The following RAP1GDS1 variants were observed in gnomAD, a reference collection of about 807,000 sequenced individuals.
RAP1GDS1 encodes the protein Rap1 GTPase-GDP dissociation stimulator 1.
A neutral mutation model predicts 71.1 loss-of-function variants in RAP1GDS1; 35 were observed. That is an observed-to-expected ratio of 0.49 (90% confidence interval 0.38 to 0.65). The LOEUF is 0.65. Ranked by LOEUF, RAP1GDS1 falls within the 30% of genes least tolerant of loss-of-function variation. RAP1GDS1 has a pLI of 0.00. For missense variants in RAP1GDS1, 663 were observed against 706.1 expected, an observed-to-expected ratio of 0.94 and a Z score of 0.69; for synonymous variants, 229 against 243.1, an observed-to-expected ratio of 0.94 and a Z score of 0.54.
At chr4:98,266,766 A>G (rs747414519) in intron 1 of RAP1GDS1, among the ~76,000 whole-genome samples, 1 of 152,164 alleles carries the variant, frequency 6.6e-6, no homozygotes, top group East Asian at 1.9e-4. Context: ...TGAAGTCTGT[A>G]CTACTACTAT....
chr4:98,401,210 C>A (rs1162273876), intron 6 of RAP1GDS1, among the ~76,000 whole-genome samples: 2 of 152,152 alleles, frequency 1.3e-5, no homozygotes, highest in South Asian at 4.1e-4. Context: ...TGATTAATAT[C>A]TAAAGTGAAT....
At chr4:98,323,842 A>C (rs1230399494) in intron 2 of RAP1GDS1, among the ~76,000 whole-genome samples, 107 of 149,288 alleles carry the variant, frequency 7.2e-4, no homozygotes, top group Non-Finnish European at 1.2e-3. Context: ...AACTGGAAGC[A>C]TTCCCTTTGA....
At chr4:98,400,168 AAAC>A (rs1024477100) in intron 6 of RAP1GDS1, among the ~76,000 whole-genome samples, 3 of 151,994 alleles carry the variant, frequency 2.0e-5, no homozygotes, top group Non-Finnish European at 4.4e-5. Flanking sequence ...GTTTAAAAAA[AAAC>A]ACAAATAGAA....
chr4:98,265,476 A>G (rs1256960345), intron 1 of RAP1GDS1, among the ~76,000 whole-genome samples: 1 of 152,186 alleles, frequency 6.6e-6, no homozygotes, highest in Non-Finnish European at 1.5e-5. Flanking sequence ...GTAGCTACAT[A>G]GAAAAATTGT....
chr4:98,355,112 T>TGTGATG, intron 4 of RAP1GDS1, among the ~76,000 whole-genome samples: 1 of 152,320 alleles, frequency 6.6e-6, no homozygotes, highest in East Asian at 1.9e-4. Flanking sequence ...GTGTGGTTGA[T>TGTGATG]TTGGGAATTT....
At chr4:98,387,304 G>T (rs1742916805) in intron 5 of RAP1GDS1, 1 of 361,818 alleles carries the variant, frequency 2.8e-6, no homozygotes, top group Non-Finnish European at 5.7e-6. Flanking sequence ...CTTATTTTTA[G>T]TAACTTCAGT....
chr4:98,341,846 A>T (rs1735551295), intron 2 of RAP1GDS1, among the ~76,000 whole-genome samples: 1 of 152,226 alleles, frequency 6.6e-6, no homozygotes, highest in Non-Finnish European at 1.5e-5. Flanking sequence ...TACAAGGAGC[A>T]GTGGTTTTTC....
chr4:98,293,024 A>ATAACATAACTTC, intron 1 of RAP1GDS1, among the ~76,000 whole-genome samples: 1 of 152,150 alleles, frequency 6.6e-6, no homozygotes, highest in Admixed American at 6.6e-5. Context: ...TTTAATGTAC[A>ATAACATAACTTC]ACAGAGGAAG....
At position 98,297,843 on chromosome 4, in the gene RAP1GDS1, A is replaced by G. The variant is rs566476344; in HGVS notation, c.112+4328A>G. 7.2e-5 allele frequency among the ~76,000 whole-genome samples: 11 copies of G among 152,344 alleles called. No homozygotes were observed. The South Asian group carries it at 2.3e-3, about 32-fold the overall frequency. On this transcript the variant is annotated intron_variant, in intron 2 of 14. Transcript: ENST00000408927. The stretch of plus-strand genomic sequence containing the variant: ...AGAAATGATTAAGCTTATTGAGGAA[A>G]GCATGTCGAAAGCGGAGGCAGGTTG...
At chr4:98,385,789 C>T (rs567151521) in intron 5 of RAP1GDS1, among the ~76,000 whole-genome samples, 5 of 151,834 alleles carry the variant, frequency 3.3e-5, no homozygotes, top group African/African-American at 9.6e-5. Flanking sequence ...CAATAATGCC[C>T]CATGGTAACT....
At chr4:98,429,321 A>G (rs1475380104) in intron 12 of RAP1GDS1, among the ~76,000 whole-genome samples, 1 of 152,012 alleles carries the variant, frequency 6.6e-6, no homozygotes, top group African/African-American at 2.4e-5. Context: ...AATGCTACTC[A>G]GCCATAAAAA....
intron 5 of RAP1GDS1, among the ~76,000 whole-genome samples, chr4:98,380,175 T>C (rs1578659869): frequency 1.3e-5 from 2 of 151,528 alleles, no homozygotes; most frequent in South Asian, 4.2e-4. Context: ...GGGACTGTGG[T>C]AAGTTGAAGA....
Position 98,417,470 on chromosome 4 carries a change from A to T in RAP1GDS1, c.1011A>T (p.Ala337=). 6.2e-7 allele frequency: 1 copy of T among 1,613,952 alleles called. No homozygotes were observed. Among genetic ancestry groups the T allele is most frequent in the Non-Finnish European group, 8.5e-7 (1 of 1,179,878 alleles). ...SNNHQLQLAG[A]LAIANFARND... is the part of the protein sequence containing the mutation. ...ACCACCAGCTACAGCTTGCTGGAGC[A>T]TTGGCAATTGCAAATTTTGCCAGAA... The change falls in exon 9 of 15, where the codon GCA becomes GCT. Residue 337 remains alanine (A), a synonymous_variant. Transcript: ENST00000408927.
chr4:98,361,161 C>A (rs1209768350), intron 4 of RAP1GDS1, among the ~76,000 whole-genome samples: 1 of 151,388 alleles, frequency 6.6e-6, no homozygotes, highest in African/African-American at 2.4e-5. Flanking sequence ...ATGCTGTCAT[C>A]AGTTCAGATT....
intron 4 of RAP1GDS1, among the ~76,000 whole-genome samples, chr4:98,365,350 C>A (rs1739323676): frequency 6.6e-6 from 1 of 152,116 alleles, no homozygotes; most frequent in Non-Finnish European, 1.5e-5. Flanking sequence ...CATCATGGCT[C>A]ACACCTGTAA....
intron 1 of RAP1GDS1, among the ~76,000 whole-genome samples, chr4:98,283,276 C>A (rs1209675034): frequency 6.6e-6 from 1 of 152,012 alleles, no homozygotes; most frequent in Non-Finnish European, 1.5e-5. Context: ...ACAGTTAGAG[C>A]AAAGAAAAAA....
chr4:98,336,549 G>C (rs890095006), intron 2 of RAP1GDS1, among the ~76,000 whole-genome samples: 2 of 152,112 alleles, frequency 1.3e-5, no homozygotes, highest in Admixed American at 1.3e-4. Flanking sequence ...ATCTGTTTCT[G>C]ATGGTGAATC....
chr4:98,387,396 A>T, intron 5 of RAP1GDS1: 2 of 455,454 alleles, frequency 4.4e-6, no homozygotes, highest in Non-Finnish European at 8.8e-6. Flanking sequence ...CTTAAAACTC[A>T]GGGGGGAAAA....
intron 5 of RAP1GDS1, among the ~76,000 whole-genome samples, chr4:98,380,587 T>A (rs1380391125): frequency 2.6e-5 from 4 of 151,694 alleles, no homozygotes; most frequent in Admixed American, 2.0e-4. Flanking sequence ...TAAATATAAA[T>A]ATGAGAAACA....
Sources: gnomAD v4.1 joint callset for allele counts (sites outside exome capture counted in the v4.1 genomes callset) on GRCh38, gnomAD v4.1.1 for gene constraint, MANE v1.5 for transcripts, NCBI Gene and HGNC (gene_info 2026-07-23, HGNC 2026-07-21) for gene names.